The following NPRL3 variants were observed in gnomAD, a reference collection of about 807,000 sequenced individuals.
NPRL3 encodes the protein NPR3 like, GATOR1 complex subunit.
NPRL3 carries 23 observed loss-of-function variants against 57.2 expected under a neutral mutation model. The observed-to-expected ratio is 0.40, with a 90% CI of 0.29 to 0.57. The LOEUF (loss-of-function observed/expected upper bound fraction) is 0.57. NPRL3 is among the 20% of genes least tolerant of loss of function. NPRL3 has a pLI of 0.42. For synonymous variants in NPRL3, 333 were observed against 321.1 expected (o/e 1.04, Z -0.39); for missense variants, 691 against 767.1 (o/e 0.90, Z 1.17).
In NPRL3 at chr16:89,813, G is replaced by C. The variant is rs534585670; in HGVS notation, c.1251C>G (p.Ser417Arg). 6.3e-7 allele frequency: 1 copy of C among 1,592,012 alleles called. No individual in the cohort carries two copies. Among genetic ancestry groups the C allele is most frequent in the South Asian group, 1.1e-5 (1 of 87,534 alleles). ...CCTCTCGCGGACGGGGCTCCTCCTC[G>C]CTGGGTGAGGCCATCAGGCAGACAT... The part of the protein sequence containing the change: ...HTYVCLMASP[S>R]EEEPRPREDD... Residue 417 changes from serine (S) to arginine (R), a missense_variant, in exon 12 of 14, where the codon AGC becomes AGG. By Grantham distance (110) the Ser-to-Arg change is moderately radical. Transcript: ENST00000611875.
chr16:91,339 T>C lies in NPRL3; in HGVS notation c.1161+1257A>G, dbSNP rs183915595. ...GTTGCAGTGAGCCGAGATCATGCCA[T>C]TGCACTCCAGCCTGACGTGCAATCA... On this transcript the variant is annotated intron_variant, in intron 11 of 13. Transcript: ENST00000611875. Among the ~76,000 whole-genome samples the C allele has an allele frequency of 2.6e-4, 40 of 152,288 alleles. No individual in the cohort carries two copies. The East Asian group carries it at 7.1e-3, about 27-fold the overall frequency.
chr16:95,350 T>TATATATATATAC (rs1223611120), intron 9 of NPRL3, among the ~76,000 whole-genome samples: 7 of 110,988 alleles, frequency 6.3e-5, no homozygotes, highest in African/African-American at 2.2e-4. Flanking sequence ...TATATATATA[T>TATATATATATAC]ACACACACAC....
chr16:108,929 C>A (rs773263673), intron 7 of NPRL3, among the ~76,000 whole-genome samples: 3 of 150,534 alleles, frequency 2.0e-5, no homozygotes, highest in Admixed American at 2.0e-4. Context: ...CTCAGCCTGG[C>A]AAAGTGTTGG....
intron 7 of NPRL3, among the ~76,000 whole-genome samples, chr16:106,981 C>G (rs1899558967): frequency 6.6e-6 from 1 of 152,266 alleles, no homozygotes; most frequent in Admixed American, 6.5e-5. Flanking sequence ...AGGATGGGTA[C>G]AGGGAGGGTA....
intron 9 of NPRL3, among the ~76,000 whole-genome samples, chr16:97,159 C>CACGGGACCAT (rs918966664): frequency 1.6e-4 from 25 of 152,358 alleles, no homozygotes; most frequent in Admixed American, 1.0e-3. Context: ...TCAATGGTCC[C>CACGGGACCAT]GTGGCTCTGG....
chr16:100,279 GAA>G (rs1471426087), intron 8 of NPRL3, 91 bp downstream of exon 8: 100 of 1,320,416 alleles, frequency 7.6e-5, no homozygotes, highest in Non-Finnish European at 9.5e-5. Flanking sequence ...AAGAAAAAGA[GAA>G]ATTTTGGAAC....
rs558144495 is a variant in NPRL3 at position 100,263 on chromosome 16, G to C, written c.767+109C>G. The C allele has an allele frequency of 3.3e-6, 4 of 1,199,172 alleles. No individual in the cohort carries two copies. In the African/African-American group the frequency reaches 6.3e-5, roughly 19 times the overall value. 74.3% of individuals were successfully genotyped at this position (1,199,172 alleles called of 1,614,324 possible). On this transcript the variant is annotated intron_variant, in intron 8 of 13. Coordinates refer to ENST00000611875, the MANE Select transcript of NPRL3 (RefSeq NM_001077350.3). Reference sequence around the variant, plus strand: ...AGCCCCACCTGCAAGCTTCCGCAGTGGGAAGAAGAAAAAGAGAAATTTTGG... The same window carrying C: ...AGCCCCACCTGCAAGCTTCCGCAGTCGGAAGAAGAAAAAGAGAAATTTTGG...
intron 3 of NPRL3, among the ~76,000 whole-genome samples, chr16:123,323 G>C (rs1900359509): frequency 6.6e-6 from 1 of 152,172 alleles, no homozygotes; most frequent in East Asian, 1.9e-4. Flanking sequence ...TGACTGGGTA[G>C]AGAAAAAGCC....
chr16:86,626 A>G lies in NPRL3; in HGVS notation c.*79T>C. The G allele has an allele frequency of 1.4e-6, 2 of 1,414,066 alleles. No homozygotes were observed. The highest frequency in any genetic ancestry group is 1.3e-5 in the South Asian group (1 of 75,686). 87.6% of individuals were successfully genotyped at this position (1,414,066 alleles called of 1,614,324 possible). ...CTCAGGGCCAAGAGGGCTCAGCCTC[A>G]GCACGGGGGGAGCCCTGGGGTGGGG... On this transcript the variant is annotated 3_prime_UTR_variant, in exon 14 of 14. Coordinates refer to ENST00000611875, the MANE Select transcript of NPRL3 (RefSeq NM_001077350.3).
chr16:90,007 C>T, intron 11 of NPRL3, 105 bp from the exon 12 acceptor site: 1 of 1,102,470 alleles, frequency 9.1e-7, no homozygotes, highest in Non-Finnish European at 1.3e-6. Flanking sequence ...GCTCCCTGTG[C>T]TGACGCACAG....
chr16:130,191 A>G (rs2068205762), intron 3 of NPRL3, among the ~76,000 whole-genome samples: 1 of 152,206 alleles, frequency 6.6e-6, no homozygotes, highest in Non-Finnish European at 1.5e-5. Flanking sequence ...TCAAGGAATT[A>G]GATCCAAAGA....
At chr16:116,788 C>CT (rs1555443768) in intron 5 of NPRL3, among the ~76,000 whole-genome samples, 1 of 40,366 alleles carries the variant, frequency 2.5e-5, no homozygotes, top group Non-Finnish European at 4.0e-5. Context: ...CATGGCGAGA[C>CT]CCCCCCCCCC....
At position 85,458 on chromosome 16, in the gene NPRL3, T is replaced by C. The variant is rs766194520; in HGVS notation, c.*1247A>G. The C allele has an allele frequency of 1.9e-6, 3 of 1,613,030 alleles. No homozygotes were observed. Among genetic ancestry groups the C allele is most frequent in the Non-Finnish European group, 1.7e-6 (2 of 1,180,004 alleles). On this transcript the variant is annotated 3_prime_UTR_variant, in exon 14 of 14. Transcript: ENST00000611875. ...GAGCCCCTGGAAGGTCTGGAGACCA[T>C]GCGTCAGCTTCGCAGCACCCTCCGG...
chr16:134,753 G>C (rs1900985650), intron 2 of NPRL3, among the ~76,000 whole-genome samples: 1 of 139,604 alleles, frequency 7.2e-6, no homozygotes, highest in Admixed American at 7.7e-5. Flanking sequence ...CCAGGCTGGA[G>C]TGCAGTGGCG....
chr16:112,459 G>T (rs1026824227), intron 6 of NPRL3, among the ~76,000 whole-genome samples, 163 bp downstream of exon 6: 1 of 152,212 alleles, frequency 6.6e-6, no homozygotes, highest in East Asian at 1.9e-4. Flanking sequence ...ACCAAAAGCC[G>T]ATGCTTGCAA....
At chr16:124,691 A>C (rs894363658) in intron 3 of NPRL3, among the ~76,000 whole-genome samples, 2 of 152,266 alleles carry the variant, frequency 1.3e-5, no homozygotes, top group Non-Finnish European at 2.9e-5. Flanking sequence ...TGCCTGGAGC[A>C]ATAAAGTGGT....
chr16:127,818 A>C (rs372531434), intron 3 of NPRL3, among the ~76,000 whole-genome samples: 3,320 of 149,460 alleles, frequency 0.022, 118 homozygotes, highest in African/African-American at 0.077. Context: ...CCATGCCCGG[A>C]TAACTTTTTG....
rs192083872 is a variant in NPRL3, at chr16:122,335, G to C, written c.189-3080C>G. On this transcript the variant is annotated intron_variant, in intron 3 of 13. Transcript: ENST00000611875. The stretch of plus-strand genomic sequence containing the variant: ...GCTGGTCTCGACCTCCTGACCTCAT[G>C]ATCTGCCCACCTCGGCCTCCCAAAG... Among the ~76,000 whole-genome samples the C allele has an allele frequency of 1.6e-4, 24 of 152,138 alleles. 1 individual carries two copies. The highest frequency in any genetic ancestry group is 1.4e-3 in the Admixed American group (21 of 15,276).
In NPRL3 at chr16:98,243, T is replaced by C. The variant is rs764890667; in HGVS notation, c.826A>G (p.Ile276Val). The C allele has an allele frequency of 2.5e-6, 4 of 1,613,768 alleles. No homozygotes were observed. The highest frequency in any genetic ancestry group is 3.4e-6 in the Non-Finnish European group (4 of 1,179,858). Residue 276 changes from isoleucine to valine, a missense_variant, in exon 9 of 14, where the codon ATT becomes GTT. Ile to Val is a conservative substitution (Grantham distance 29). Coordinates refer to ENST00000611875, the MANE Select transcript of NPRL3 (RefSeq NM_001077350.3). ...DEKSLLGELP[I>V]DCSPALVRVI... ...CGCACTAGGGCAGGGGAGCAGTCAA[T>C]AGGAAGCTCACCCAGCAAGGACTTC...
Sources: allele counts gnomAD v4.1 joint callset (sites outside exome capture counted in the v4.1 genomes callset), GRCh38; gene constraint gnomAD v4.1.1; transcripts MANE v1.5; gene names NCBI Gene and HGNC (gene_info 2026-07-23, HGNC 2026-07-21).